The following SPATA18 variants were observed in gnomAD, a reference collection of about 807,000 sequenced individuals.
SPATA18 encodes spermatogenesis associated 18, also known as mitochondria-eating protein.
A neutral mutation model predicts 68.1 loss-of-function variants in SPATA18; 54 were observed. The ratio of observed to expected loss-of-function variants is 0.79; its 90% CI spans 0.64 to 0.99. SPATA18 has a LOEUF of 0.99. Ranked by LOEUF, SPATA18 falls within the 50% of genes least tolerant of loss-of-function variation. The pLI, the probability that SPATA18 is intolerant of heterozygous loss-of-function variation, is 0.00. For synonymous variants in SPATA18, 242 were observed against 244.8 expected (o/e 0.99, Z 0.11); for missense variants, 724 against 681.1 (o/e 1.06, Z -0.70).
chr4:52,093,128 C>G (rs956970580), intron 11 of SPATA18, among the ~76,000 whole-genome samples: 1 of 151,954 alleles, frequency 6.6e-6, no homozygotes, highest in Admixed American at 6.6e-5. Context: ...CAGATGTACC[C>G]CTAAACTTAA....
At chr4:52,086,237 G>T (rs1194465471) in intron 11 of SPATA18, among the ~76,000 whole-genome samples, 1 of 152,124 alleles carries the variant, frequency 6.6e-6, no homozygotes, top group East Asian at 1.9e-4. Context: ...AACCCCTGCA[G>T]TTGATGAAAC....
In SPATA18 at chr4:52,071,951, C is replaced by T. The variant is rs765984637; in HGVS notation, c.553C>T (p.His185Tyr). 3.1e-6 allele frequency: 5 copies of T among 1,613,742 alleles called. No individual in the cohort carries two copies. The highest frequency in any genetic ancestry group is 4.2e-6 in the Non-Finnish European group (5 of 1,179,934). The change falls in exon 6 of 13, where the codon CAC becomes TAC. Residue 185 changes from histidine to tyrosine, a missense_variant. By Grantham distance (83) the His-to-Tyr change is moderately conservative (BLOSUM62 2). Coordinates refer to ENST00000295213, the MANE Select transcript of SPATA18 (RefSeq NM_145263.4). ...TCTTCAAGCTCAGGAGGATGCCCGC[C>T]ACAGAAACACAGATCAGAGGAGCTC... ...KSLQAQEDAR[H>Y]RNTDQRSSEN...
chr4:52,096,639 C>A lies in SPATA18; in HGVS notation c.*1752C>A, dbSNP rs768378583. On this transcript the variant is annotated 3_prime_UTR_variant, in exon 13 of 13. Transcript: ENST00000295213. ...AAAATTAAGTCATTAGATGGCTGAA[C>A]CTGCATGTAGAGCCACCAGCTACAA... 3 of 151,996 alleles carry A rather than the reference C, an allele frequency of 2.0e-5. No homozygotes were observed. The highest frequency in any genetic ancestry group is 4.4e-5 in the Non-Finnish European group (3 of 68,014). 9.4% of individuals were successfully genotyped at this position (151,996 alleles called of 1,614,324 possible). A position where few individuals can be genotyped will look rare whatever the true frequency, so the allele number is the denominator to read the frequency against.
intron 11 of SPATA18, among the ~76,000 whole-genome samples, chr4:52,091,517 A>G (rs1741950240): frequency 6.6e-6 from 1 of 152,032 alleles, no homozygotes; most frequent in Non-Finnish European, 1.5e-5. Flanking sequence ...TTTCCTTTTA[A>G]CAGTCAGGCC....
chr4:52,088,697 A>G (rs1249325855), intron 11 of SPATA18, among the ~76,000 whole-genome samples: 1 of 152,154 alleles, frequency 6.6e-6, no homozygotes, highest in Non-Finnish European at 1.5e-5. Flanking sequence ...TATTTTATTG[A>G]GGATTTTTGC....
chr4:52,072,614 C>A (rs987661268), intron 6 of SPATA18, among the ~76,000 whole-genome samples: 1 of 152,140 alleles, frequency 6.6e-6, no homozygotes, highest in African/African-American at 2.4e-5. Context: ...CCATGTTGGC[C>A]AGGCTGGTCT....
chr4:52,060,650 GTATTC>G, intron 2 of SPATA18, 126 bp downstream of exon 2: 1 of 1,130,402 alleles, frequency 8.8e-7, no homozygotes, highest in Non-Finnish European at 1.3e-6. Context: ...CCTGATGTGT[GTATTC>G]TCTCTTTTTT....
At chr4:52,086,989 T>A (rs1419887799) in intron 11 of SPATA18, among the ~76,000 whole-genome samples, 1 of 152,198 alleles carries the variant, frequency 6.6e-6, no homozygotes, top group Non-Finnish European at 1.5e-5. Flanking sequence ...CTCATTGTGG[T>A]TTTGATGTGC....
chr4:52,079,202 C>G (rs1740688303), intron 8 of SPATA18, among the ~76,000 whole-genome samples: 1 of 152,180 alleles, frequency 6.6e-6, no homozygotes, highest in African/African-American at 2.4e-5. Context: ...GACTCTGACA[C>G]TTACTAGCTG....
At chr4:52,056,446 G>C (rs1178720744) in intron 1 of SPATA18, among the ~76,000 whole-genome samples, 2 of 152,126 alleles carry the variant, frequency 1.3e-5, no homozygotes, top group Non-Finnish European at 2.9e-5. Context: ...GGATTAAATG[G>C]AGCCATGTAT....
At chr4:52,093,653 T>C (rs150623018) in intron 11 of SPATA18, among the ~76,000 whole-genome samples, 1 of 152,140 alleles carries the variant, frequency 6.6e-6, no homozygotes, top group Non-Finnish European at 1.5e-5. Flanking sequence ...AAGAAGAAAA[T>C]ACTATTAGAC....
intron 4 of SPATA18, among the ~76,000 whole-genome samples, chr4:52,065,505 A>G (rs1354995064): frequency 6.6e-6 from 1 of 152,156 alleles, no homozygotes; most frequent in African/African-American, 2.4e-5. Flanking sequence ...ATCCTTCTAC[A>G]TGTGGTTTGC....
chr4:52,082,241 C>A, intron 9 of SPATA18, 146 bp from the exon 10 acceptor site: 1 of 733,252 alleles, frequency 1.4e-6, no homozygotes, highest in African/African-American at 1.8e-5. Context: ...TTCTAAGAGG[C>A]CACAAAGATT....
intron 10 of SPATA18, 49 bp from the exon 11 acceptor site, chr4:52,084,866 GT>G: frequency 1.3e-6 from 2 of 1,579,522 alleles, no homozygotes; most frequent in Non-Finnish European, 1.7e-6. Context: ...AGCCATGACA[GT>G]TTTCACAAAC....
chr4:52,069,214 A>T (rs1183563283), intron 4 of SPATA18, among the ~76,000 whole-genome samples: 3 of 152,202 alleles, frequency 2.0e-5, no homozygotes, highest in Admixed American at 2.0e-4. Flanking sequence ...ATGATTTATT[A>T]TGATTTGTCT....
At chr4:52,053,206 A>G (rs752584526) in intron 1 of SPATA18, among the ~76,000 whole-genome samples, 6 of 152,220 alleles carry the variant, frequency 3.9e-5, no homozygotes, top group Non-Finnish European at 5.9e-5. Context: ...GAACTAATAA[A>G]CAATTATTTT....
chr4:52,076,459 T>G (rs910144050), intron 6 of SPATA18, among the ~76,000 whole-genome samples: 2 of 152,216 alleles, frequency 1.3e-5, no homozygotes, highest in South Asian at 4.1e-4. Flanking sequence ...GTTCCATTAA[T>G]AGGCCAATTT....
chr4:52,076,084 A>C (rs1740314499), intron 6 of SPATA18, among the ~76,000 whole-genome samples: 1 of 152,278 alleles, frequency 6.6e-6, no homozygotes, highest in Middle Eastern at 3.4e-3. Context: ...GAGAGGCAAA[A>C]CATTTTGGGA....
intron 11 of SPATA18, among the ~76,000 whole-genome samples, chr4:52,093,436 G>A (rs1742153886): frequency 6.6e-6 from 1 of 152,160 alleles, no homozygotes; most frequent in African/African-American, 2.4e-5. Flanking sequence ...AAAAATGATA[G>A]GGAAATGGAA....
Sources: gnomAD v4.1 joint callset for allele counts (sites outside exome capture counted in the v4.1 genomes callset) on GRCh38, gnomAD v4.1.1 for gene constraint, MANE v1.5 for transcripts, NCBI Gene and HGNC (gene_info 2026-07-23, HGNC 2026-07-21) for gene names.